LCP1: variants seen among roughly 807,000 people sequenced by gnomAD.
LCP1 encodes the protein lymphocyte cytosolic protein 1.
A neutral mutation model predicts 72.0 loss-of-function variants in LCP1; 23 were observed. That is an observed-to-expected ratio of 0.32 (90% CI 0.23 to 0.45). LCP1 has a LOEUF of 0.45. Ranked by LOEUF, LCP1 falls within the 20% of genes least tolerant of loss-of-function variation. LCP1 has a pLI of 1.00. For synonymous variants in LCP1, 245 were observed against 275.4 expected, an observed-to-expected ratio of 0.89 and a Z score of 1.09; for missense variants, 571 against 748.3, an observed-to-expected ratio of 0.76 and a Z score of 2.76.
intron 7 of LCP1, 98 bp from the exon 8 acceptor site, chr13:46,151,176 TAAC>T (rs1482050580): frequency 3.4e-6 from 4 of 1,187,870 alleles, no homozygotes; most frequent in East Asian, 4.9e-5. Context: ...AAGCTAAAGA[TAAC>T]AACGTTACCT....
intron 1 of LCP1, among the ~76,000 whole-genome samples, chr13:46,165,990 A>G (rs1187991519): frequency 6.6e-6 from 1 of 152,202 alleles, no homozygotes; most frequent in Non-Finnish European, 1.5e-5. Flanking sequence ...TCAAACTGCA[A>G]AAGCCACAAA....
Position 46,151,061 on chromosome 13 carries a change from T to G in LCP1, c.757A>C (p.Arg253=), listed in dbSNP as rs2045760467. Residue 253 remains arginine (R), a synonymous_variant, in exon 8 of 16, where the codon AGA becomes CGA. Transcript: ENST00000323076. ...AAATCCTCCAGGCTCTCACCTTCTCTCAAAAGAGCAATCAGAGCTGAAGAA... is the reference window on the plus strand; with the variant it reads ...AAATCCTCCAGGCTCTCACCTTCTCGCAAAAGAGCAATCAGAGCTGAAGAA... ...SRNEALIALL[R]EGESLEDLMK... The G allele has an allele frequency of 1.2e-6, 2 of 1,611,402 alleles. No individual in the cohort carries two copies. Among genetic ancestry groups the G allele is most frequent in the African/African-American group, 2.7e-5 (2 of 74,832 alleles).
chr13:46,143,280 CATT>C lies in LCP1; in HGVS notation c.1368+7_1368+9del, dbSNP rs1389073416. On this transcript the variant is annotated splice_region_variant and intron_variant, in intron 12 of 15. Transcript: ENST00000323076. ...CTGTCTCCTGGAACAACAGAACCAT[CATT>C]GTTTACCTTCTTCATATTGCCTCCC... The C allele has an allele frequency of 1.9e-6, 3 of 1,585,642 alleles. No homozygotes were observed. Among genetic ancestry groups the C allele is most frequent in the Non-Finnish European group, 2.6e-6 (3 of 1,154,252 alleles).
At chr13:46,151,148 T>C (rs958288909) in intron 7 of LCP1, 70 bp from the exon 8 acceptor site, 3 of 1,485,372 alleles carry the variant, frequency 2.0e-6, no homozygotes, top group African/African-American at 1.4e-5. Context: ...GTTATAACTT[T>C]CATTAAGCTC....
intron 1 of LCP1, among the ~76,000 whole-genome samples, chr13:46,177,364 G>A (rs762642075): frequency 1.2e-4 from 19 of 152,308 alleles, no homozygotes; most frequent in African/African-American, 2.2e-4. Context: ...TTTAAAGGCC[G>A]GGCGCGGTGG....
In LCP1 at chr13:46,137,313, G is replaced by A. The variant is rs1227946550; in HGVS notation, c.1503-3063C>T. Among the ~76,000 whole-genome samples the A allele has an allele frequency of 3.9e-5, 6 of 152,080 alleles. No homozygotes were observed. In the East Asian group the frequency reaches 1.2e-3, roughly 29 times the overall value. On this transcript the variant is annotated intron_variant, in intron 13 of 15. Coordinates refer to ENST00000323076, the MANE Select transcript of LCP1 (RefSeq NM_002298.5). ...AGCACTTTGGGAGGCCGAGGCGGGCGGATCACCTGAGGTCAGGAGTTTGAG... is the reference window on the plus strand; with the variant it reads ...AGCACTTTGGGAGGCCGAGGCGGGCAGATCACCTGAGGTCAGGAGTTTGAG...
At chr13:46,148,470 A>G in intron 8 of LCP1, 23 bp from the exon 9 acceptor site, 2 of 1,442,182 alleles carry the variant, frequency 1.4e-6, no homozygotes, top group Non-Finnish European at 1.9e-6. Context: ...AAGAAATTCC[A>G]ATTTCAAAAT....
chr13:46,174,694 A>G (rs2045919698), intron 1 of LCP1, among the ~76,000 whole-genome samples: 1 of 152,014 alleles, frequency 6.6e-6, no homozygotes, highest in Non-Finnish European at 1.5e-5. Context: ...AAATACAAAA[A>G]CATTAGCTGA....
chr13:46,174,834 CAAAAA>C, intron 1 of LCP1, among the ~76,000 whole-genome samples: 1 of 82,310 alleles, frequency 1.2e-5, no homozygotes, highest in African/African-American at 4.3e-5. Context: ...ACTCCATCTT[CAAAAA>C]AAAAAAAAAA....
At chr13:46,172,035 C>A (rs1456141045) in intron 1 of LCP1, among the ~76,000 whole-genome samples, 1 of 152,246 alleles carries the variant, frequency 6.6e-6, no homozygotes, top group Non-Finnish European at 1.5e-5. Context: ...GGAACCAGTG[C>A]CCTGTGGATA....
intron 1 of LCP1, among the ~76,000 whole-genome samples, chr13:46,162,752 T>C (rs7994103): frequency 0.14 from 20,801 of 149,380 alleles, 1,667 homozygotes; most frequent in South Asian, 0.26. Context: ...CGTCTCTGCC[T>C]GGCCGCCCAT....
At chr13:46,129,469 T>A (rs1322466193) in intron 15 of LCP1, among the ~76,000 whole-genome samples, 2 of 152,228 alleles carry the variant, frequency 1.3e-5, no homozygotes, top group Non-Finnish European at 2.9e-5. Context: ...TCTTTTCAGT[T>A]GAGCTCAGCT....
At chr13:46,158,444 T>G in intron 4 of LCP1, 78 bp downstream of exon 4, 1 of 1,523,568 alleles carries the variant, frequency 6.6e-7, no homozygotes, top group Non-Finnish European at 8.9e-7. Context: ...CTGTCTTTGT[T>G]TACATCCCTT....
chr13:46,170,784 C>G (rs1156785777), intron 1 of LCP1, among the ~76,000 whole-genome samples: 1 of 152,150 alleles, frequency 6.6e-6, no homozygotes, highest in African/African-American at 2.4e-5. Flanking sequence ...GTGTTAGATG[C>G]TGAGAACACA....
Position 46,154,825 on chromosome 13 carries a change from G to C in LCP1, c.553C>G (p.Leu185Val). 6.2e-7 allele frequency: 1 copy of C among 1,613,906 alleles called. No homozygotes were observed. The highest frequency in any genetic ancestry group is 8.5e-7 in the Non-Finnish European group (1 of 1,179,768). ...IDERTINKKK[L>V]TPFTIQENLN... The stretch of plus-strand genomic sequence containing the variant: ...CATACCTGAATGGTGAAAGGGGTTA[G>C]CTTCTTTTTGTTGATTGTTCTTTCA... The change falls in exon 6 of 16, where the codon CTA (leucine) becomes GTA (valine). Residue 185 changes from leucine to valine, a missense_variant. Leu to Val is a conservative substitution (Grantham distance 32, BLOSUM62 1). Transcript: ENST00000323076.
At chr13:46,154,961 T>C in intron 5 of LCP1, 75 bp from the exon 6 acceptor site, 1 of 1,075,130 alleles carries the variant, frequency 9.3e-7, no homozygotes, top group South Asian at 1.3e-5. Flanking sequence ...ATTTAAATTC[T>C]AGCAATACCA....
intron 1 of LCP1, among the ~76,000 whole-genome samples, chr13:46,166,887 T>C (rs1337266971): frequency 2.6e-5 from 4 of 152,200 alleles, no homozygotes; most frequent in Non-Finnish European, 4.4e-5. Flanking sequence ...TCTCTATGGA[T>C]ACAGATATGA....
At chr13:46,143,734 A>G (rs1433813193) in intron 11 of LCP1, among the ~76,000 whole-genome samples, 1 of 152,256 alleles carries the variant, frequency 6.6e-6, no homozygotes, top group Non-Finnish European at 1.5e-5. Flanking sequence ...TGTCCCCTGT[A>G]CCTAAAGGTT....
intron 15 of LCP1, among the ~76,000 whole-genome samples, chr13:46,128,592 C>T (rs997900633): frequency 2.0e-5 from 3 of 151,096 alleles, no homozygotes; most frequent in Admixed American, 6.6e-5. Flanking sequence ...AGTGAGACTC[C>T]GTCTCAGAAA....
Sources: gnomAD v4.1 joint callset for allele counts (sites outside exome capture counted in the v4.1 genomes callset) on GRCh38, gnomAD v4.1.1 for gene constraint, MANE v1.5 for transcripts, NCBI Gene and HGNC (gene_info 2026-07-23, HGNC 2026-07-21) for gene names.